The following NKAIN2 variants were observed in gnomAD, a reference collection of about 807,000 sequenced individuals.
NKAIN2 encodes sodium/potassium transporting ATPase interacting 2.
In NKAIN2, 14 loss-of-function variants were observed where a neutral mutation model predicts 32.6. The observed-to-expected ratio is 0.43, with a 90% CI of 0.28 to 0.67. NKAIN2 has a LOEUF of 0.67. Ranked by LOEUF, NKAIN2 falls within the 30% of genes least tolerant of loss-of-function variation. The pLI is 0.17. For synonymous variants in NKAIN2, 80 were observed against 87.2 expected, an observed-to-expected ratio of 0.92 and a Z score of 0.46; for missense variants, 198 against 258.3, an observed-to-expected ratio of 0.77 and a Z score of 1.60.
chr6:124,283,280 C>T (rs1252319915), intron 2 of NKAIN2, 138 bp downstream of exon 2: 1 of 595,884 alleles, frequency 1.7e-6, no homozygotes, highest in Non-Finnish European at 2.9e-6. Flanking sequence ...TGTTTATTTT[C>T]ATAGTTTCAG....
At chr6:123,909,119 CCT>C (rs1775034935) in intron 1 of NKAIN2, among the ~76,000 whole-genome samples, 1 of 152,032 alleles carries the variant, frequency 6.6e-6, no homozygotes, top group South Asian at 2.1e-4. Context: ...ATCTCACTAC[CCT>C]GATTCTCTCC....
At chr6:123,815,935 C>A (rs1004200007) in intron 1 of NKAIN2, among the ~76,000 whole-genome samples, 1 of 151,640 alleles carries the variant, frequency 6.6e-6, no homozygotes, top group Non-Finnish European at 1.5e-5. Context: ...GTAGATATAC[C>A]GTTAATATAG....
intron 1 of NKAIN2, among the ~76,000 whole-genome samples, chr6:124,178,291 T>A (rs1789262749): frequency 7.8e-6 from 1 of 129,020 alleles, no homozygotes; most frequent in Non-Finnish European, 1.7e-5. Context: ...GATTTAGACG[T>A]ACATTAACTT....
At chr6:123,815,144 A>G (rs1023671753) in intron 1 of NKAIN2, among the ~76,000 whole-genome samples, 3 of 152,206 alleles carry the variant, frequency 2.0e-5, no homozygotes, top group Admixed American at 6.5e-5. Flanking sequence ...TCTAGTATCT[A>G]GTGGTTTTAA....
chr6:124,393,246 T>G (rs1396300275), intron 3 of NKAIN2, among the ~76,000 whole-genome samples: 7 of 152,140 alleles, frequency 4.6e-5, no homozygotes, highest in African/African-American at 1.4e-4. Context: ...TATAAAATAC[T>G]ACAGAGATAT....
At chr6:123,805,987 G>T (rs555289536) in intron 1 of NKAIN2, among the ~76,000 whole-genome samples, 1 of 152,168 alleles carries the variant, frequency 6.6e-6, no homozygotes, top group South Asian at 2.1e-4. Context: ...AACTCCTCAA[G>T]AACTTAATTT....
chr6:124,034,846 T>G (rs548405359), intron 1 of NKAIN2, among the ~76,000 whole-genome samples: 1 of 152,258 alleles, frequency 6.6e-6, no homozygotes, highest in South Asian at 2.1e-4. Context: ...CATTGTGGTT[T>G]TAATTTATAT....
chr6:123,914,529 G>A (rs1261712162), intron 1 of NKAIN2, among the ~76,000 whole-genome samples: 2 of 152,072 alleles, frequency 1.3e-5, no homozygotes, highest in Admixed American at 1.3e-4. Flanking sequence ...CAAAGGGTTG[G>A]AGCTTCAACG....
At chr6:124,795,412 T>C (rs1251470473) in intron 5 of NKAIN2, among the ~76,000 whole-genome samples, 2 of 152,126 alleles carry the variant, frequency 1.3e-5, no homozygotes, top group Non-Finnish European at 2.9e-5. Context: ...GACTCAAGCC[T>C]AGACCCAATG....
At chr6:124,418,754 C>T (rs1353859341) in intron 3 of NKAIN2, among the ~76,000 whole-genome samples, 1 of 151,564 alleles carries the variant, frequency 6.6e-6, no homozygotes, top group African/African-American at 2.4e-5. Context: ...CTCTCCCTAA[C>T]AATGTGTTTT....
intron 3 of NKAIN2, among the ~76,000 whole-genome samples, chr6:124,442,297 G>A (rs1357013648): frequency 6.6e-6 from 1 of 152,048 alleles, no homozygotes; most frequent in African/African-American, 2.4e-5. Flanking sequence ...GTTAACCATT[G>A]GAGAATTGCA....
chr6:124,408,820 T>C (rs1247046627), intron 3 of NKAIN2, among the ~76,000 whole-genome samples: 1 of 152,232 alleles, frequency 6.6e-6, no homozygotes, highest in African/African-American at 2.4e-5. Flanking sequence ...TGATTCTTCC[T>C]ACCCATGAGC....
At chr6:124,496,437 G>A (rs1266969196) in intron 3 of NKAIN2, among the ~76,000 whole-genome samples, 1 of 152,132 alleles carries the variant, frequency 6.6e-6, no homozygotes, top group Admixed American at 6.5e-5. Context: ...ATAAGTCATG[G>A]CACTGCCCTC....
At chr6:123,902,545 C>T (rs62435578) in intron 1 of NKAIN2, among the ~76,000 whole-genome samples, 26,142 of 151,934 alleles carry the variant, frequency 0.17, 2,331 homozygotes, top group Non-Finnish European at 0.18. Flanking sequence ...ATTGAAACAC[C>T]ATTTCCAGTC....
At chr6:124,228,067 A>G (rs1456577360) in intron 1 of NKAIN2, among the ~76,000 whole-genome samples, 34 of 152,286 alleles carry the variant, frequency 2.2e-4, no homozygotes, top group Non-Finnish European at 1.5e-5. Context: ...GGGAGATCTC[A>G]TATCTCTTCT....
At chr6:124,057,658 C>A (rs1358006723) in intron 1 of NKAIN2, among the ~76,000 whole-genome samples, 1 of 150,196 alleles carries the variant, frequency 6.7e-6, no homozygotes, top group Non-Finnish European at 1.5e-5. Flanking sequence ...TTTAATCCAT[C>A]TGTACTATCA....
intron 1 of NKAIN2, among the ~76,000 whole-genome samples, chr6:124,239,394 C>G (rs900201360): frequency 3.6e-4 from 55 of 152,092 alleles, no homozygotes; most frequent in African/African-American, 1.2e-3. Context: ...ACCAAGCAGA[C>G]CTAATAGACA....
intron 1 of NKAIN2, among the ~76,000 whole-genome samples, chr6:124,114,060 G>C (rs1785502634): frequency 6.6e-6 from 1 of 152,158 alleles, no homozygotes; most frequent in Non-Finnish European, 1.5e-5. Flanking sequence ...ATTTAACACT[G>C]TAAGGTATCT....
chr6:124,205,420 T>A (rs1407915701), intron 1 of NKAIN2, among the ~76,000 whole-genome samples: 1 of 151,760 alleles, frequency 6.6e-6, no homozygotes, highest in Non-Finnish European at 1.5e-5. Context: ...ATGTGTCTTA[T>A]CTTTACCTGT....
Sources: gnomAD v4.1 joint callset for allele counts (sites outside exome capture counted in the v4.1 genomes callset) on GRCh38, gnomAD v4.1.1 for gene constraint, MANE v1.5 for transcripts, NCBI Gene and HGNC (gene_info 2026-07-23, HGNC 2026-07-21) for gene names.